GPC6: variants seen among roughly 807,000 people sequenced by gnomAD.
GPC6 encodes glypican 6, also known as glypican-6.
Under a neutral mutation model 55.2 loss-of-function variants are expected in GPC6, and 14 were observed. The observed-to-expected ratio is 0.25, with a 90% CI of 0.17 to 0.40. The LOEUF (loss-of-function observed/expected upper bound fraction) is 0.40, where lower values mean the gene tolerates loss of function less well. Among genes scored for constraint, GPC6 ranks in the 10% least tolerant of loss-of-function variants. The pLI is 1.00. For missense variants in GPC6, 641 were observed against 708.5 expected (o/e 0.90, Z 1.08); for synonymous variants, 278 against 259.6 (o/e 1.07, Z -0.68).
chr13:93,855,160 C>T (rs1270029861), intron 3 of GPC6, among the ~76,000 whole-genome samples: 2 of 151,652 alleles, frequency 1.3e-5, no homozygotes, highest in East Asian at 1.9e-4. Context: ...GCCCTGAAAA[C>T]TCTCTATGTC....
chr13:93,535,170 A>C (rs2139418407), intron 1 of GPC6, among the ~76,000 whole-genome samples: 1 of 152,266 alleles, frequency 6.6e-6, no homozygotes, highest in South Asian at 2.1e-4. Flanking sequence ...GTCTAATTAT[A>C]TATTAGACAT....
intron 2 of GPC6, among the ~76,000 whole-genome samples, chr13:93,780,551 A>G (rs1885607670): frequency 6.6e-6 from 1 of 151,598 alleles, no homozygotes. Flanking sequence ...ATGAAATTTC[A>G]TTAAATTAAC....
At chr13:94,166,576 T>G (rs77912111) in intron 4 of GPC6, among the ~76,000 whole-genome samples, 5,350 of 152,274 alleles carry the variant, frequency 0.035, 290 homozygotes, top group African/African-American at 0.11. Flanking sequence ...TGGCTAAAAA[T>G]TGAACATAGA....
At chr13:93,278,948 G>A (rs995435563) in intron 1 of GPC6, among the ~76,000 whole-genome samples, 1 of 152,036 alleles carries the variant, frequency 6.6e-6, no homozygotes, top group African/African-American at 2.4e-5. Flanking sequence ...ACATCATGTT[G>A]TATACCTAAA....
chr13:93,743,364 A>T (rs565935114), intron 2 of GPC6, among the ~76,000 whole-genome samples: 18 of 152,214 alleles, frequency 1.2e-4, no homozygotes, highest in Non-Finnish European at 2.4e-4. Flanking sequence ...TAAAAAAATT[A>T]AAAAACGATA....
At chr13:93,312,588 C>T (rs1036082756) in intron 1 of GPC6, among the ~76,000 whole-genome samples, 3 of 152,082 alleles carry the variant, frequency 2.0e-5, no homozygotes, top group Non-Finnish European at 4.4e-5. Context: ...GTTCTTCCAT[C>T]ATTAGATGAC....
intron 3 of GPC6, among the ~76,000 whole-genome samples, chr13:93,940,343 A>G (rs1192304148): frequency 3.3e-5 from 5 of 151,870 alleles, no homozygotes; most frequent in African/African-American, 4.8e-5. Context: ...TATAACCTCT[A>G]CAGAGAAGGT....
At chr13:93,712,070 G>A (rs947993243) in intron 2 of GPC6, among the ~76,000 whole-genome samples, 1 of 151,732 alleles carries the variant, frequency 6.6e-6, no homozygotes, top group Non-Finnish European at 1.5e-5. Flanking sequence ...TTGCATGGCA[G>A]CCTGTGTTCC....
chr13:93,509,763 T>C (rs1404206252), intron 1 of GPC6, among the ~76,000 whole-genome samples: 2 of 152,188 alleles, frequency 1.3e-5, no homozygotes, highest in Non-Finnish European at 2.9e-5. Flanking sequence ...CAGGTGCTTG[T>C]CATTGAGAAA....
chr13:94,377,985 G>T (rs1422952504), intron 6 of GPC6, among the ~76,000 whole-genome samples: 1 of 152,130 alleles, frequency 6.6e-6, no homozygotes, highest in Non-Finnish European at 1.5e-5. Context: ...TCATAAGTGG[G>T]AATTGAACAA....
At chr13:93,309,137 A>G (rs1878975863) in intron 1 of GPC6, among the ~76,000 whole-genome samples, 1 of 152,204 alleles carries the variant, frequency 6.6e-6, no homozygotes, top group African/African-American at 2.4e-5. Flanking sequence ...TTAGAAGACC[A>G]TGCTGCCTAG....
intron 1 of GPC6, among the ~76,000 whole-genome samples, chr13:93,406,749 A>G (rs1001614469): frequency 2.0e-5 from 3 of 152,152 alleles, no homozygotes; most frequent in East Asian, 1.9e-4. Context: ...ATGTGATTCA[A>G]TGGGAAGTAT....
intron 4 of GPC6, among the ~76,000 whole-genome samples, chr13:94,097,506 CA>C (rs869307863): frequency 2.0e-3 from 141 of 70,264 alleles, no homozygotes; most frequent in East Asian, 9.2e-3. Context: ...GACTCTGTCT[CA>C]AAAAAAAAAA....
intron 1 of GPC6, among the ~76,000 whole-genome samples, chr13:93,393,910 G>A (rs1047876761): frequency 1.3e-5 from 2 of 151,824 alleles, no homozygotes; most frequent in Admixed American, 6.6e-5. Flanking sequence ...ATATAGCAAG[G>A]CTCAGCACAG....
At chr13:93,846,117 A>G (rs1357679852) in intron 3 of GPC6, among the ~76,000 whole-genome samples, 1 of 152,158 alleles carries the variant, frequency 6.6e-6, no homozygotes. Context: ...CGTAATATAT[A>G]CAACTAGACA....
intron 1 of GPC6, among the ~76,000 whole-genome samples, chr13:93,455,354 T>C (rs1390086435): frequency 6.6e-6 from 1 of 152,138 alleles, no homozygotes; most frequent in Non-Finnish European, 1.5e-5. Context: ...CCTCTCAGTA[T>C]GATTATTTCC....
chr13:94,007,838 G>A (rs963604990), intron 3 of GPC6, among the ~76,000 whole-genome samples: 15 of 151,828 alleles, frequency 9.9e-5, no homozygotes, highest in African/African-American at 3.4e-4. Flanking sequence ...TGTTTACAGG[G>A]ACATTTCTTT....
intron 2 of GPC6, among the ~76,000 whole-genome samples, chr13:93,604,633 C>T (rs1417770910): frequency 6.6e-6 from 1 of 151,676 alleles, no homozygotes; most frequent in Admixed American, 6.6e-5. Flanking sequence ...ATGGAAAAAT[C>T]GCAGTATAAG....
At chr13:93,363,188 G>C (rs1199349381) in intron 1 of GPC6, among the ~76,000 whole-genome samples, 1 of 148,054 alleles carries the variant, frequency 6.8e-6, no homozygotes, top group Non-Finnish European at 1.5e-5. Context: ...CAATGTGCAG[G>C]TTAGTTACAT....
Sources: allele counts gnomAD v4.1 joint callset (sites outside exome capture counted in the v4.1 genomes callset), GRCh38; gene constraint gnomAD v4.1.1; transcripts MANE v1.5; gene names NCBI Gene and HGNC (gene_info 2026-07-23, HGNC 2026-07-21).